WT1: variants seen among roughly 807,000 people sequenced by gnomAD.
The protein encoded by WT1 is Wilms tumor protein.
Under a neutral mutation model 60.8 loss-of-function variants are expected in WT1, and 8 were observed. That is an observed-to-expected ratio of 0.13 (90% CI 0.08 to 0.24). WT1 has a LOEUF of 0.24. WT1 is among the 10% of genes least tolerant of loss of function. WT1 has a pLI of 1.00. For missense variants in WT1, 568 were observed against 711.8 expected, an observed-to-expected ratio of 0.80 and a Z score of 2.30; for synonymous variants, 312 against 297.1, an observed-to-expected ratio of 1.05 and a Z score of -0.52.
chr11:32,404,993 A>G (rs1852265456), intron 5 of WT1, among the ~76,000 whole-genome samples: 1 of 152,078 alleles, frequency 6.6e-6, no homozygotes, highest in Non-Finnish European at 1.5e-5. Context: ...CTTATTCTCC[A>G]TGAATTTCCC....
At position 32,388,629 on chromosome 11, in the gene WT1, A is replaced by C. The variant is rs554888133; in HGVS notation, c.*429T>G. 3.9e-6 allele frequency: 1 copy of C among 257,256 alleles called. No individual in the cohort carries two copies. Among genetic ancestry groups the C allele is most frequent in the African/African-American group, 2.2e-5 (1 of 46,356 alleles). 15.9% of individuals were successfully genotyped at this position (257,256 alleles called of 1,614,324 possible). ...GCTGTTAGTAAATGGAAACCATGAC[A>C]AAGTTTACATTAGCAGACACATACA... On this transcript the variant is annotated 3_prime_UTR_variant, in exon 10 of 10. Transcript: ENST00000452863.
intron 9 of WT1, 102 bp from the exon 10 acceptor site, chr11:32,389,281 A>G: frequency 1.3e-6 from 2 of 1,590,092 alleles, no homozygotes; most frequent in Non-Finnish European, 8.6e-7. Context: ...CCCACTCTGA[A>G]TTTCCCATCA....
At chr11:32,396,465 G>T in intron 6 of WT1, 58 bp from the exon 7 acceptor site, 1 of 1,604,442 alleles carries the variant, frequency 6.2e-7, no homozygotes, top group East Asian at 2.2e-5. Context: ...CATTCACGTA[G>T]GTCTTGAGGG....
At chr11:32,398,813 G>A (rs1829137409) in intron 6 of WT1, among the ~76,000 whole-genome samples, 1 of 151,024 alleles carries the variant, frequency 6.6e-6, no homozygotes, top group African/African-American at 2.4e-5. Context: ...AGAGAAAGAA[G>A]TCAGCCTGAA....
chr11:32,392,362 A>G (rs933663427), intron 8 of WT1, among the ~76,000 whole-genome samples: 3 of 152,166 alleles, frequency 2.0e-5, no homozygotes, highest in Non-Finnish European at 4.4e-5. Context: ...AGTGAATCAC[A>G]CGCTACAAAT....
At chr11:32,426,715 C>G (rs997717950) in intron 3 of WT1, among the ~76,000 whole-genome samples, 1 of 152,198 alleles carries the variant, frequency 6.6e-6, no homozygotes, top group Non-Finnish European at 1.5e-5. Flanking sequence ...TTTCTCCAGT[C>G]CGCGCGCCTC....
chr11:32,424,394 C>G (rs1028970415), intron 3 of WT1, among the ~76,000 whole-genome samples: 5 of 152,086 alleles, frequency 3.3e-5, no homozygotes, highest in African/African-American at 1.2e-4. Flanking sequence ...AACGAGTAGT[C>G]AAAAGGGTTA....
chr11:32,396,794 C>G (rs1330431303), intron 6 of WT1, among the ~76,000 whole-genome samples: 1 of 152,206 alleles, frequency 6.6e-6, no homozygotes, highest in Non-Finnish European at 1.5e-5. Context: ...TCTAACTACT[C>G]CCTCCCACTT....
chr11:32,394,959 C>A (rs1851923943), intron 7 of WT1, among the ~76,000 whole-genome samples: 1 of 152,206 alleles, frequency 6.6e-6, no homozygotes, highest in South Asian at 2.1e-4. Context: ...TCCTTATAAC[C>A]TTGACAGTCA....
At chr11:32,426,817 G>A (rs1378681648) in intron 3 of WT1, among the ~76,000 whole-genome samples, 3 of 152,208 alleles carry the variant, frequency 2.0e-5, no homozygotes, top group Non-Finnish European at 2.9e-5. Context: ...CCAGCCCCGG[G>A]CTCACTCTCG....
At chr11:32,402,715 T>C (rs1462264351) in intron 5 of WT1, among the ~76,000 whole-genome samples, 2 of 152,202 alleles carry the variant, frequency 1.3e-5, no homozygotes, top group Admixed American at 1.3e-4. Context: ...CCAGCTGATT[T>C]TTATTTTTAT....
In WT1 at chr11:32,435,033, C is replaced by T; in HGVS notation, c.328G>A (p.Val110Met). 1 of 1,465,204 alleles carries T rather than the reference C, an allele frequency of 6.8e-7. No individual in the cohort carries two copies. Among genetic ancestry groups the T allele is most frequent in the Non-Finnish European group, 8.9e-7 (1 of 1,120,374 alleles). 90.8% of individuals were successfully genotyped at this position (1,465,204 alleles called of 1,614,324 possible). The change falls in exon 1 of 10, where the codon GTG becomes ATG. Residue 110 changes from valine to methionine, a missense_variant. Physicochemically the swap from Val to Met is conservative, Grantham distance 21. Coordinates refer to ENST00000452863, the MANE Select transcript of WT1 (RefSeq NM_024426.6). ...GCGCCCGGGGGCGCAAAGTCCAGCACCGGCGCCCACTGCGCCGCGCCGCTC... is the reference window on the plus strand; with the variant it reads ...GCGCCCGGGGGCGCAAAGTCCAGCATCGGCGCCCACTGCGCCGCGCCGCTC...
intron 3 of WT1, among the ~76,000 whole-genome samples, chr11:32,418,896 A>G (rs1040720309): frequency 6.6e-6 from 1 of 152,214 alleles, no homozygotes; most frequent in Non-Finnish European, 1.5e-5. Flanking sequence ...TACACAGGAT[A>G]AGGAGGAAAT....
Position 32,417,628 on chromosome 11 carries a change from T to C in WT1, c.914A>G (p.Gln305Arg). 1.9e-6 allele frequency: 3 copies of C among 1,614,052 alleles called. No individual in the cohort carries two copies. The highest frequency in any genetic ancestry group is 2.5e-6 in the Non-Finnish European group (3 of 1,179,984). ...CTGATTCCAGGTCATGCATTCAAGC[T>C]GGGATGTCATTTGGTATAAATTGTC... Residue 305 changes from glutamine (Q) to arginine (R), a missense_variant, in exon 4 of 10, where the codon CAG (glutamine) becomes CGG (arginine). By Grantham distance (43) the Gln-to-Arg change is conservative. Coordinates refer to ENST00000452863, the MANE Select transcript of WT1 (RefSeq NM_024426.6).
chr11:32,399,961 A>T lies in WT1; in HGVS notation c.1100T>A (p.Phe367Tyr), dbSNP rs150194429. ...CTGTGTGCTCACCTGAATGCCTCTG[A>T]AGACACCGTGCGTGTGTATTCTGTA... is the stretch of plus-strand genomic sequence containing the variant. The change falls in exon 6 of 10, where the codon TTC becomes TAC. Residue 367 changes from phenylalanine to tyrosine, a missense_variant. Phe to Tyr is a conservative substitution (Grantham distance 22, BLOSUM62 3). This residue lies in a region of WT1 where 523 missense variants were observed against 565.1 expected (regional missense o/e 0.93). Coordinates refer to ENST00000452863, the MANE Select transcript of WT1 (RefSeq NM_024426.6). 1 of 1,614,202 alleles carries T rather than the reference A, an allele frequency of 6.2e-7. No homozygotes were observed. The highest frequency in any genetic ancestry group is 2.2e-5 in the East Asian group (1 of 44,892).
chr11:32,432,098 G>A (rs1464564630), intron 1 of WT1, among the ~76,000 whole-genome samples: 1 of 152,216 alleles, frequency 6.6e-6, no homozygotes, highest in Non-Finnish European at 1.5e-5. Context: ...CTAAATTAAT[G>A]TTTACAAGAT....
intron 5 of WT1, among the ~76,000 whole-genome samples, chr11:32,411,383 T>A (rs944791302): frequency 6.6e-6 from 1 of 152,242 alleles, no homozygotes; most frequent in Admixed American, 6.5e-5. Flanking sequence ...AAAGCTATCA[T>A]GACAACTTCG....
chr11:32,415,098 G>A (rs1366763066), intron 5 of WT1, among the ~76,000 whole-genome samples: 1 of 152,056 alleles, frequency 6.6e-6, no homozygotes, highest in African/African-American at 2.4e-5. Context: ...TCTTAACCAT[G>A]GAAATATCCA....
At chr11:32,402,085 T>C (rs1332448585) in intron 5 of WT1, among the ~76,000 whole-genome samples, 2 of 151,848 alleles carry the variant, frequency 1.3e-5, no homozygotes, top group Non-Finnish European at 2.9e-5. Flanking sequence ...ACAACTGAAA[T>C]GTCCACACCC....
Sources: gnomAD v4.1 joint callset for allele counts (sites outside exome capture counted in the v4.1 genomes callset) on GRCh38, gnomAD v4.1.1 for gene constraint, gnomAD v4.1.1 regional missense constraint, MANE v1.5 for transcripts, NCBI Gene and HGNC (gene_info 2026-07-23, HGNC 2026-07-21) for gene names.